SNTG1: variants seen among roughly 807,000 people sequenced by gnomAD.
SNTG1 encodes gamma-1-syntrophin.
In SNTG1, 39 loss-of-function variants were observed where a neutral mutation model predicts 74.7. The observed-to-expected ratio is 0.52, with a 90% confidence interval of 0.40 to 0.68. The LOEUF (loss-of-function observed/expected upper bound fraction) is 0.68, where lower values mean the gene tolerates loss of function less well. SNTG1 is among the 30% of genes least tolerant of loss of function. The pLI is 0.00. For synonymous variants in SNTG1, 254 were observed against 217.1 expected (o/e 1.17, Z -1.49); for missense variants, 685 against 609.5 (o/e 1.12, Z -1.30).
intron 17 of SNTG1, among the ~76,000 whole-genome samples, chr8:50,739,702 G>A (rs778210167): frequency 4.0e-5 from 6 of 151,702 alleles, no homozygotes; most frequent in Admixed American, 1.3e-4. Context: ...TAAATACAAC[G>A]TGGCGGCATC....
At chr8:50,198,656 C>A (rs2083870539) in intron 2 of SNTG1, among the ~76,000 whole-genome samples, 1 of 152,174 alleles carries the variant, frequency 6.6e-6, no homozygotes, top group African/African-American at 2.4e-5. Context: ...AAATGTCATA[C>A]TTTCTTTTAA....
At chr8:50,747,017 G>T (rs539880742) in intron 17 of SNTG1, among the ~76,000 whole-genome samples, 4 of 151,278 alleles carry the variant, frequency 2.6e-5, no homozygotes, top group Non-Finnish European at 5.9e-5. Flanking sequence ...CAGATTGTAT[G>T]CTATCTAAAT....
At chr8:50,530,438 C>T (rs951488260) in intron 10 of SNTG1, among the ~76,000 whole-genome samples, 179 bp downstream of exon 10, 1 of 151,990 alleles carries the variant, frequency 6.6e-6, no homozygotes, top group African/African-American at 2.4e-5. Flanking sequence ...ATTTTTTTCC[C>T]CTCTCAAGTC....
At chr8:50,560,777 G>C (rs910722237) in intron 12 of SNTG1, among the ~76,000 whole-genome samples, 2 of 152,024 alleles carry the variant, frequency 1.3e-5, no homozygotes, top group Non-Finnish European at 2.9e-5. Context: ...CTCAATACCT[G>C]TATGAGGGGT....
At chr8:49,943,567 A>G (rs1386174802) in intron 1 of SNTG1, among the ~76,000 whole-genome samples, 1 of 152,218 alleles carries the variant, frequency 6.6e-6, no homozygotes, top group Non-Finnish European at 1.5e-5. Context: ...GCTTGAGAAA[A>G]CATCCTGTAT....
At chr8:49,944,017 C>A (rs1808931226) in intron 1 of SNTG1, among the ~76,000 whole-genome samples, 1 of 152,092 alleles carries the variant, frequency 6.6e-6, no homozygotes, top group African/African-American at 2.4e-5. Context: ...GGAATTTTAT[C>A]TCACTATATT....
intron 8 of SNTG1, among the ~76,000 whole-genome samples, chr8:50,494,064 C>A (rs2093882187): frequency 1.3e-5 from 2 of 151,030 alleles, no homozygotes; most frequent in East Asian, 1.9e-4. Flanking sequence ...CTCAATTTGA[C>A]CAAACATCCT....
chr8:50,526,035 G>T (rs1406137630), intron 9 of SNTG1, among the ~76,000 whole-genome samples: 1 of 151,764 alleles, frequency 6.6e-6, no homozygotes, highest in East Asian at 1.9e-4. Context: ...CATTTTCAGG[G>T]GATTCATCTT....
At chr8:50,231,070 A>T (rs2085597869) in intron 2 of SNTG1, among the ~76,000 whole-genome samples, 1 of 151,308 alleles carries the variant, frequency 6.6e-6, no homozygotes. Flanking sequence ...AATCTGATTA[A>T]GAAATGGGCA....
chr8:49,972,920 T>A (rs1377092892), intron 1 of SNTG1, among the ~76,000 whole-genome samples: 1 of 152,200 alleles, frequency 6.6e-6, no homozygotes, highest in Non-Finnish European at 1.5e-5. Flanking sequence ...TTGGTGGGAC[T>A]GTAAACTAAT....
intron 1 of SNTG1, among the ~76,000 whole-genome samples, chr8:50,103,575 T>C (rs2131252901): frequency 6.6e-6 from 1 of 152,324 alleles, no homozygotes; most frequent in Middle Eastern, 3.4e-3. Context: ...CTAATTGCCC[T>C]GGCCAGAACT....
rs1381048539 is a variant in SNTG1 at position 50,376,756 on chromosome 8, T to TATATAGAGAGAGAG, written c.-27-17455_-27-17454insTATAGAGAGAGAGA. ...ATATATATATATATATATATATATA[T>TATATAGAGAGAGAG]AGAGAGAGAGAGAGAGAGAGAGAGA... On this transcript the variant is annotated intron_variant, in intron 2 of 18. Coordinates refer to ENST00000642720, the MANE Select transcript of SNTG1 (RefSeq NM_018967.5). Among the ~76,000 whole-genome samples, 221 of 89,898 alleles carry TATATAGAGAGAGAG rather than the reference T, an allele frequency of 2.5e-3. 1 individual carries two copies. The highest frequency in any genetic ancestry group is 0.015 in the Middle Eastern group (2 of 134). 59.0% of individuals were successfully genotyped at this position (89,898 alleles called of 152,430 possible).
At chr8:50,274,939 G>A (rs1197142348) in intron 2 of SNTG1, among the ~76,000 whole-genome samples, 6 of 152,034 alleles carry the variant, frequency 3.9e-5, no homozygotes, top group Non-Finnish European at 7.4e-5. Flanking sequence ...TGATTATTTC[G>A]ATTACAATTC....
At chr8:49,910,174 C>T (rs1451385619), upstream of SNTG1, among the ~76,000 whole-genome samples, 1 of 152,244 alleles carries the variant, frequency 6.6e-6, no homozygotes, top group East Asian at 1.9e-4. Context: ...TAGGACTTCC[C>T]TGTAGTGTCA....
chr8:50,415,997 C>A (rs184779725), intron 4 of SNTG1, among the ~76,000 whole-genome samples: 29 of 152,156 alleles, frequency 1.9e-4, no homozygotes, highest in African/African-American at 6.7e-4. Context: ...AATATTGAGC[C>A]ACATAGGCCA....
chr8:50,625,038 A>G (rs1244617428), intron 13 of SNTG1, among the ~76,000 whole-genome samples: 1 of 152,210 alleles, frequency 6.6e-6, no homozygotes, highest in Non-Finnish European at 1.5e-5. Context: ...TCATACATTA[A>G]CTGGTCAATT....
intron 8 of SNTG1, among the ~76,000 whole-genome samples, chr8:50,459,339 C>T (rs1035372298): frequency 1.3e-5 from 2 of 152,046 alleles, no homozygotes; most frequent in African/African-American, 2.4e-5. Flanking sequence ...GATTGTTAAG[C>T]AAACTATTTG....
intron 1 of SNTG1, among the ~76,000 whole-genome samples, chr8:50,172,346 G>C (rs1265189965): frequency 5.3e-5 from 8 of 151,994 alleles, no homozygotes; most frequent in Non-Finnish European, 1.2e-4. Flanking sequence ...TTAGTCATTT[G>C]GAAAATATTA....
Position 50,553,150 on chromosome 8 carries a change from A to G in SNTG1, c.781A>G (p.Thr261Ala). 6.2e-7 allele frequency: 1 copy of G among 1,613,912 alleles called. No individual in the cohort carries two copies. The highest frequency in any genetic ancestry group is 1.1e-5 in the South Asian group (1 of 91,076). Residue 261 changes from threonine to alanine, a missense_variant, in exon 12 of 19, where the codon ACT (threonine) becomes GCT (alanine). Thr to Ala is a moderately conservative substitution (Grantham distance 58, BLOSUM62 0). Coordinates refer to ENST00000642720, the MANE Select transcript of SNTG1 (RefSeq NM_018967.5). ...CGTTGACTGGCTACAAGCAATAGCA[A>G]CTAACATTTCAAATCTCACAAAGCA... ...DCVDWLQAIA[T>A]NISNLTKHNI...
Sources: gnomAD v4.1 joint callset for allele counts (sites outside exome capture counted in the v4.1 genomes callset) on GRCh38, gnomAD v4.1.1 for gene constraint, MANE v1.5 for transcripts, NCBI Gene and HGNC (gene_info 2026-07-23, HGNC 2026-07-21) for gene names.